Variants in SLC9A9 observed in about 807,000 individuals in gnomAD.
SLC9A9 encodes the protein solute carrier family 9 member A9, also known as sodium/hydrogen exchanger 9.
SLC9A9 carries 62 observed loss-of-function variants against 77.8 expected under a neutral mutation model. The ratio of observed to expected loss-of-function variants is 0.80; its 90% CI spans 0.65 to 0.98. The LOEUF (loss-of-function observed/expected upper bound fraction) is 0.98. Among genes scored for constraint, SLC9A9 ranks in the 50% least tolerant of loss-of-function variants. The pLI is 0.00. For missense variants in SLC9A9, 775 were observed against 774.9 expected (o/e 1.00, Z 0.00); for synonymous variants, 320 against 283.5 (o/e 1.13, Z -1.29).
chr3:143,463,357 A>G (rs531117712), intron 12 of SLC9A9, among the ~76,000 whole-genome samples: 1 of 152,334 alleles, frequency 6.6e-6, no homozygotes, highest in Admixed American at 6.5e-5. Flanking sequence ...TAAGCCAAGA[A>G]TGGGGTTACC....
At chr3:143,375,769 C>CT (rs2033169805) in intron 13 of SLC9A9, among the ~76,000 whole-genome samples, 1 of 152,192 alleles carries the variant, frequency 6.6e-6, no homozygotes, top group Non-Finnish European at 1.5e-5. Flanking sequence ...TTGTTCACGC[C>CT]TCTGAGATTT....
At chr3:143,627,282 A>C (rs952300964) in intron 6 of SLC9A9, 17 of 177,206 alleles carry the variant, frequency 9.6e-5, no homozygotes, top group Non-Finnish European at 1.7e-4. Flanking sequence ...TTGATAGTGC[A>C]AATGTAACAT....
chr3:143,657,531 T>G (rs1228566116), intron 5 of SLC9A9, among the ~76,000 whole-genome samples: 1 of 152,128 alleles, frequency 6.6e-6, no homozygotes, highest in Non-Finnish European at 1.5e-5. Context: ...TCAAAACTAT[T>G]TTCACAATAA....
chr3:143,686,269 GA>G (rs893082878), intron 5 of SLC9A9, among the ~76,000 whole-genome samples: 2 of 151,896 alleles, frequency 1.3e-5, no homozygotes, highest in African/African-American at 4.8e-5. Context: ...CTGTAAGACT[GA>G]AAAGAGGAAA....
intron 12 of SLC9A9, among the ~76,000 whole-genome samples, chr3:143,463,834 G>A (rs1014315319): frequency 6.6e-6 from 1 of 152,100 alleles, no homozygotes; most frequent in Non-Finnish European, 1.5e-5. Context: ...TGGAAAATTT[G>A]GTTCACATAT....
chr3:143,346,189 T>TA (rs1472219434), intron 14 of SLC9A9, among the ~76,000 whole-genome samples: 5 of 152,204 alleles, frequency 3.3e-5, no homozygotes, highest in African/African-American at 1.2e-4. Context: ...TCTCTCAGCA[T>TA]AAAAAACCTA....
At chr3:143,812,559 G>A (rs2008896726) in intron 2 of SLC9A9, among the ~76,000 whole-genome samples, 1 of 152,154 alleles carries the variant, frequency 6.6e-6, no homozygotes, top group South Asian at 2.1e-4. Context: ...TTTTTGTCCT[G>A]GTCAGACATG....
intron 5 of SLC9A9, among the ~76,000 whole-genome samples, chr3:143,658,035 T>G (rs2038921090): frequency 6.6e-6 from 1 of 152,008 alleles, no homozygotes; most frequent in Non-Finnish European, 1.5e-5. Flanking sequence ...CCTGGATAAT[T>G]TTTGAATTTT....
At chr3:143,673,267 A>C (rs2108766913) in intron 5 of SLC9A9, among the ~76,000 whole-genome samples, 1 of 152,258 alleles carries the variant, frequency 6.6e-6, no homozygotes, top group African/African-American at 2.4e-5. Flanking sequence ...AAGTTGGAGA[A>C]TTCATACAGG....
chr3:143,625,051 T>A (rs1157863425), intron 6 of SLC9A9, among the ~76,000 whole-genome samples: 2 of 152,138 alleles, frequency 1.3e-5, no homozygotes, highest in African/African-American at 4.8e-5. Flanking sequence ...GGAATCCAAC[T>A]TACAAGGGAT....
chr3:143,730,913 T>C (rs553809546), intron 4 of SLC9A9, among the ~76,000 whole-genome samples: 1 of 152,274 alleles, frequency 6.6e-6, no homozygotes, highest in East Asian at 1.9e-4. Context: ...AGGCTACAAT[T>C]GACAAAAAAT....
chr3:143,785,123 C>T (rs183744838), intron 4 of SLC9A9, among the ~76,000 whole-genome samples: 2 of 152,308 alleles, frequency 1.3e-5, no homozygotes, highest in African/African-American at 2.4e-5. Context: ...AATCCTTCCC[C>T]TCCCTGTATG....
intron 6 of SLC9A9, among the ~76,000 whole-genome samples, chr3:143,622,203 C>A (rs1207775217): frequency 2.0e-5 from 3 of 152,168 alleles, no homozygotes; most frequent in Non-Finnish European, 2.9e-5. Context: ...AGGATATTAT[C>A]CAGGAGAACT....
intron 2 of SLC9A9, among the ~76,000 whole-genome samples, chr3:143,811,999 G>T (rs940358916): frequency 1.3e-5 from 2 of 152,164 alleles, no homozygotes; most frequent in African/African-American, 4.8e-5. Flanking sequence ...AATAGACAAC[G>T]TTGGGTTCCT....
chr3:143,797,528 C>CGAAAGAAGTGAAAATGG (rs2008419716), intron 2 of SLC9A9, among the ~76,000 whole-genome samples: 6 of 152,028 alleles, frequency 3.9e-5, no homozygotes, highest in Non-Finnish European at 7.4e-5. Flanking sequence ...TGAAGAATCA[C>CGAAAGAAGTGAAAATGG]CAAAGAAGTG....
chr3:143,367,909 G>T (rs1206999596), intron 13 of SLC9A9, among the ~76,000 whole-genome samples: 1 of 152,114 alleles, frequency 6.6e-6, no homozygotes, highest in Non-Finnish European at 1.5e-5. Context: ...TGAAGACCAA[G>T]ATTTGAGTTT....
chr3:143,287,059 A>G (rs1029636638), intron 14 of SLC9A9, among the ~76,000 whole-genome samples: 1 of 151,868 alleles, frequency 6.6e-6, no homozygotes, highest in African/African-American at 2.4e-5. Context: ...CAAAGCTTGG[A>G]TTATCTGAGA....
At chr3:143,736,613 A>G (rs914556136) in intron 4 of SLC9A9, among the ~76,000 whole-genome samples, 2 of 152,166 alleles carry the variant, frequency 1.3e-5, no homozygotes, top group Non-Finnish European at 2.9e-5. Context: ...ATTTTTTTAA[A>G]CAATAGTGAG....
chr3:143,491,015 C>T (rs765211664), intron 11 of SLC9A9, among the ~76,000 whole-genome samples: 44 of 152,096 alleles, frequency 2.9e-4, no homozygotes, highest in African/African-American at 8.2e-4. Flanking sequence ...GAAAAGTGTA[C>T]GAAACAAAAA....
Sources: allele counts gnomAD v4.1 joint callset (sites outside exome capture counted in the v4.1 genomes callset), GRCh38; gene constraint gnomAD v4.1.1; transcripts MANE v1.5; gene names NCBI Gene and HGNC (gene_info 2026-07-23, HGNC 2026-07-21).